The following OR6N1 variants were observed in gnomAD, a reference collection of about 807,000 sequenced individuals.
OR6N1 encodes olfactory receptor family 6 subfamily N member 1, also known as olfactory receptor 6N1.
For missense variants in OR6N1, 394 were observed against 371.7 expected (o/e 1.06, Z -0.49); for synonymous variants, 170 against 150.7 (o/e 1.13, Z -0.94).
the OR6N1 span, among the ~76,000 whole-genome samples, chr1:158,816,181 T>C: frequency 1.3e-5 from 2 of 149,182 alleles, no homozygotes; most frequent in African/African-American, 4.9e-5. Flanking sequence ...AAGAATATGG[T>C]AACCATAATG....
chr1:158,837,192 T>G, the OR6N1 span, among the ~76,000 whole-genome samples: 8 of 152,020 alleles, frequency 5.3e-5, no homozygotes, highest in East Asian at 1.5e-3. Flanking sequence ...TTTACTGTTT[T>G]GGATATATCT....
At chr1:158,798,280 C>CT in the OR6N1 span, among the ~76,000 whole-genome samples, 17 of 151,066 alleles carry the variant, frequency 1.1e-4, no homozygotes, top group Middle Eastern at 0.01. Context: ...CTTACACTTT[C>CT]TTTTTTTGCC....
the OR6N1 span, among the ~76,000 whole-genome samples, chr1:158,834,231 A>ATT: frequency 0.25 from 32,299 of 130,114 alleles, 4,586 homozygotes; most frequent in Admixed American, 0.31. Flanking sequence ...TCCTTTATCA[A>ATT]TTTTTTTTTT....
At chr1:158,806,701 A>T in the OR6N1 span, among the ~76,000 whole-genome samples, 1 of 151,818 alleles carries the variant, frequency 6.6e-6, no homozygotes, top group Admixed American at 6.6e-5. Context: ...TTTTTTTTTT[A>T]AAGGAAAACA....
At chr1:158,804,121 G>A in the OR6N1 span, among the ~76,000 whole-genome samples, 4 of 152,176 alleles carry the variant, frequency 2.6e-5, no homozygotes, top group Admixed American at 2.0e-4. Context: ...GAGGGAGATA[G>A]GAAAATGCAA....
chr1:158,781,515 T>G, the OR6N1 span, among the ~76,000 whole-genome samples: 1 of 152,170 alleles, frequency 6.6e-6, no homozygotes, highest in African/African-American at 2.4e-5. Context: ...GAACATAGAC[T>G]CTTGGACTCT....
chr1:158,795,032 G>T, the OR6N1 span, among the ~76,000 whole-genome samples: 2 of 152,142 alleles, frequency 1.3e-5, no homozygotes, highest in East Asian at 1.9e-4. Flanking sequence ...CAGGCGGGGG[G>T]CTGAGCCAGG....
At chr1:158,831,109 T>C in the OR6N1 span, among the ~76,000 whole-genome samples, 3 of 152,198 alleles carry the variant, frequency 2.0e-5, no homozygotes, top group African/African-American at 7.2e-5. Flanking sequence ...ATGACCTATA[T>C]GTAAGTTAGC....
At chr1:158,837,226 T>G in the OR6N1 span, among the ~76,000 whole-genome samples, 5 of 151,800 alleles carry the variant, frequency 3.3e-5, no homozygotes, top group Non-Finnish European at 5.9e-5. Context: ...GGTCTATAAG[T>G]GGTCTATAAT....
the OR6N1 span, among the ~76,000 whole-genome samples, chr1:158,799,950 G>T: frequency 6.6e-6 from 1 of 151,994 alleles, no homozygotes; most frequent in East Asian, 1.9e-4. Context: ...ATGGTGCTTG[G>T]TGCCAGAGGC....
chr1:158,811,193 G>A, the OR6N1 span, among the ~76,000 whole-genome samples: 1 of 152,120 alleles, frequency 6.6e-6, no homozygotes, highest in African/African-American at 2.4e-5. Context: ...CTCCTACCAT[G>A]TCCCTGCAAA....
At chr1:158,836,631 G>C in the OR6N1 span, among the ~76,000 whole-genome samples, 1 of 151,562 alleles carries the variant, frequency 6.6e-6, no homozygotes, top group Admixed American at 6.6e-5. Flanking sequence ...TGTCAATTCA[G>C]TTAAAGTTCT....
intron 1 of OR6N1, among the ~76,000 whole-genome samples, chr1:158,768,004 T>C (rs967736335): frequency 1.3e-5 from 2 of 152,184 alleles, no homozygotes; most frequent in African/African-American, 2.4e-5. Context: ...ATCCAGCCTG[T>C]TCACACACTT....
chr1:158,782,114 T>C, the OR6N1 span, among the ~76,000 whole-genome samples: 1 of 152,218 alleles, frequency 6.6e-6, no homozygotes, highest in Non-Finnish European at 1.5e-5. Context: ...TTTTAAAGTC[T>C]GTACTCTTAA....
At chr1:158,801,057 A>C in the OR6N1 span, among the ~76,000 whole-genome samples, 1 of 151,880 alleles carries the variant, frequency 6.6e-6, no homozygotes, top group Admixed American at 6.6e-5. Context: ...CAATCCATGC[A>C]CTCCTTCCCA....
chr1:158,830,548 T>C, the OR6N1 span, among the ~76,000 whole-genome samples: 1 of 152,208 alleles, frequency 6.6e-6, no homozygotes, highest in Non-Finnish European at 1.5e-5. Context: ...TACCATTCAT[T>C]TGACAATTCA....
the OR6N1 span, among the ~76,000 whole-genome samples, chr1:158,778,290 A>G: frequency 6.6e-6 from 1 of 152,240 alleles, no homozygotes; most frequent in African/African-American, 2.4e-5. Context: ...TGTAAAGTAC[A>G]GAACACTTCA....
At chr1:158,795,603 T>C in the OR6N1 span, among the ~76,000 whole-genome samples, 1 of 152,310 alleles carries the variant, frequency 6.6e-6, no homozygotes, top group African/African-American at 2.4e-5. Context: ...TGGGAGTGCA[T>C]GCAAAGTATG....
At chr1:158,828,452 G>T in the OR6N1 span, among the ~76,000 whole-genome samples, 1 of 152,222 alleles carries the variant, frequency 6.6e-6, no homozygotes, top group African/African-American at 2.4e-5. Flanking sequence ...CCAAAATCCA[G>T]TGGGGCAGTC....
Sources: allele counts gnomAD v4.1 joint callset (sites outside exome capture counted in the v4.1 genomes callset), GRCh38; gene constraint gnomAD v4.1.1; transcripts MANE v1.5; gene names NCBI Gene and HGNC (gene_info 2026-07-23, HGNC 2026-07-21).